The following AATK variants were observed in gnomAD, a reference collection of about 807,000 sequenced individuals.
AATK encodes the protein lemur tail kinase 1.
In AATK, 91 loss-of-function variants were observed where a neutral mutation model predicts 114.3. The observed-to-expected ratio is 0.80, with a 90% CI of 0.67 to 0.95. AATK has a LOEUF of 0.95. AATK is among the 40% of genes least tolerant of loss of function. AATK has a pLI of 0.00. For missense variants in AATK, 2,176 were observed against 1,965.2 expected, an observed-to-expected ratio of 1.11 and a Z score of -2.03; for synonymous variants, 1,075 against 916.5, an observed-to-expected ratio of 1.17 and a Z score of -3.12.
At chr17:81,164,844 C>T (rs1370920388) in intron 1 of AATK, among the ~76,000 whole-genome samples, 1 of 152,206 alleles carries the variant, frequency 6.6e-6, no homozygotes, top group Non-Finnish European at 1.5e-5. Flanking sequence ...GAAGTCATTT[C>T]TGAGCAAGTG....
At chr17:81,160,340 C>T in intron 1 of AATK, 1 of 788,664 alleles carries the variant, frequency 1.3e-6, no homozygotes, top group Non-Finnish European at 1.5e-6. Context: ...GGCCGCAGCC[C>T]CCTGACCCCA....
chr17:81,138,771 G>A (rs1375028947), intron 1 of AATK, among the ~76,000 whole-genome samples: 1 of 138,416 alleles, frequency 7.2e-6, no homozygotes, highest in Non-Finnish European at 1.5e-5. Context: ...ACACCCACAT[G>A]CACGCACACA....
Position 81,120,303 on chromosome 17 carries a change from G to C in AATK, c.3633C>G (p.Leu1211=). The stretch of plus-strand genomic sequence containing the variant: ...TCTCGGACAGCAGGCTGGGCATCTT[G>C]AGCAGGCTGCGCAGGTTGCGCGCGC... ...SQSARNLRSL[L]KMPSLLSETF... is the part of the protein sequence containing the mutation. The change falls in exon 11 of 14, where the codon CTC becomes CTG. Residue 1211 remains leucine (L), a synonymous_variant. Transcript: ENST00000326724. The C allele has an allele frequency of 6.2e-7, 1 of 1,610,030 alleles. No individual in the cohort carries two copies. Among genetic ancestry groups the C allele is most frequent in the Non-Finnish European group, 8.5e-7 (1 of 1,178,644 alleles).
intron 1 of AATK, chr17:81,160,251 G>A (rs922605892): frequency 1.0e-5 from 10 of 984,932 alleles, no homozygotes; most frequent in African/African-American, 7.0e-5. Context: ...TCTGGGTGTC[G>A]CTCCCGCGTG....
rs1164276221 is a variant in AATK at position 81,124,792 on chromosome 17, T to C, written c.897A>G (p.Pro299=). ...TGCTATGCACCTCGTCCACCAGCTC[T>C]GGCGCGATCCAGCGCAGAGGCACCC... ...QLWVPLRWIA[P]ELVDEVHSNL... The change falls in exon 9 of 14, where the codon CCA becomes CCG. Residue 299 remains proline, a synonymous_variant. Coordinates refer to ENST00000326724, the MANE Select transcript of AATK (RefSeq NM_001080395.3). 8 of 1,612,694 alleles carry C rather than the reference T, an allele frequency of 5.0e-6. No homozygotes were observed. The highest frequency in any genetic ancestry group is 6.8e-6 in the Non-Finnish European group (8 of 1,179,792).
chr17:81,131,074 C>T lies in AATK; in HGVS notation c.321G>A (p.Gln107=), dbSNP rs945037159. 1.9e-6 allele frequency: 3 copies of T among 1,553,406 alleles called. No homozygotes were observed. In the African/African-American group the frequency reaches 4.1e-5, roughly 21 times the overall value. ...LTEVSLPMAK[Q]PGRSVQLLKS... ...CCCAGCCCTCACCTGAGCGCCCAGG[C>T]TGCTTGGCCATGGGCAAGGAGACCT... Residue 107 remains glutamine (Q), a synonymous_variant, in exon 3 of 14, where the codon CAG becomes CAA. Transcript: ENST00000326724.
At chr17:81,160,320 C>G in intron 1 of AATK, 1 of 945,388 alleles carries the variant, frequency 1.1e-6, no homozygotes, top group Non-Finnish European at 1.3e-6. Flanking sequence ...CCCGCCCCAG[C>G]CCCACCCAAG....
intron 1 of AATK, among the ~76,000 whole-genome samples, chr17:81,139,573 C>CCACACAA (rs2061092211): frequency 1.3e-5 from 2 of 150,928 alleles, no homozygotes; most frequent in African/African-American, 4.9e-5. Context: ...ACACATGCTG[C>CCACACAA]GCGGCCCCCA....
chr17:81,124,182 G>A (rs1598911009), intron 9 of AATK, among the ~76,000 whole-genome samples: 1 of 151,934 alleles, frequency 6.6e-6, no homozygotes, highest in African/African-American at 2.4e-5. Flanking sequence ...GGCGGTTGGG[G>A]AAGCAGCAGA....
intron 13 of AATK, among the ~76,000 whole-genome samples, chr17:81,119,125 GGGGCCAGGTGAGGGCCAGGTGA>G (rs879769625): frequency 6.7e-6 from 1 of 150,220 alleles, no homozygotes; most frequent in African/African-American, 2.5e-5. Flanking sequence ...GCCGAGTGCA[GGGGCCAGGTGAGGGCCAGGTGA>G]GGGTCAGGTG....
At chr17:81,154,699 G>A (rs1474442103) in intron 1 of AATK, among the ~76,000 whole-genome samples, 20 of 134,978 alleles carry the variant, frequency 1.5e-4, no homozygotes, top group East Asian at 6.6e-4. Context: ...GCACAATCTC[G>A]GCTCACTGCA....
At position 81,166,121 on chromosome 17, in the gene AATK, G is replaced by A. The variant is rs996599185; in HGVS notation, c.-129C>T. The A allele has an allele frequency of 9.6e-6, 4 of 415,270 alleles. No individual in the cohort carries two copies. Among genetic ancestry groups the A allele is most frequent in the Non-Finnish European group, 1.3e-5 (4 of 314,026 alleles). 25.7% of individuals were successfully genotyped at this position (415,270 alleles called of 1,614,324 possible). A position where few individuals can be genotyped will look rare whatever the true frequency, so the allele number is the denominator to read the frequency against. Reference sequence around the variant, plus strand: ...GAGCGCGCCGGCCCCCGCGCCCCGCGCCCCCCGCCGCAGCCGCAGAGCCCG... The same window carrying A: ...GAGCGCGCCGGCCCCCGCGCCCCGCACCCCCCGCCGCAGCCGCAGAGCCCG... On this transcript the variant is annotated 5_prime_UTR_variant, in exon 1 of 14. Transcript: ENST00000326724.
intron 1 of AATK, among the ~76,000 whole-genome samples, chr17:81,143,862 G>GC (rs1361558124): frequency 2.0e-5 from 3 of 152,240 alleles, no homozygotes; most frequent in African/African-American, 7.2e-5. Flanking sequence ...TGGCATGCAT[G>GC]CCCCGTGGGT....
intron 1 of AATK, among the ~76,000 whole-genome samples, chr17:81,158,397 C>A (rs1373999808): frequency 1.3e-5 from 2 of 152,194 alleles, no homozygotes; most frequent in Admixed American, 6.5e-5. Context: ...GTGTGCTGGT[C>A]AGTGTCTGCA....
At chr17:81,155,664 A>T (rs1409888651) in intron 1 of AATK, among the ~76,000 whole-genome samples, 1 of 150,042 alleles carries the variant, frequency 6.7e-6, no homozygotes, top group Non-Finnish European at 1.5e-5. Context: ...GATTGCAGGC[A>T]TGAGCCAGCG....
chr17:81,162,321 G>T (rs1373280333), intron 1 of AATK, among the ~76,000 whole-genome samples: 1 of 152,066 alleles, frequency 6.6e-6, no homozygotes, highest in Non-Finnish European at 1.5e-5. Flanking sequence ...CGAACTCATG[G>T]GCACAGCTTC....
rs72854172 is a variant in AATK, at chr17:81,119,140, C to T, written c.4084+240G>A. ...GCCGAGTGCAGGGGCCAGGTGAGGGCCAGGTGAGGGTCAGGTGAGGGTCAG... is the reference window on the plus strand; with the variant it reads ...GCCGAGTGCAGGGGCCAGGTGAGGGTCAGGTGAGGGTCAGGTGAGGGTCAG... On this transcript the variant is annotated intron_variant, in intron 13 of 13. Transcript: ENST00000326724. Among the ~76,000 whole-genome samples, 1,164 of 130,148 alleles carry T rather than the reference C, an allele frequency of 8.9e-3. 6 individuals carry two copies. The highest frequency in any genetic ancestry group is 0.015 in the Middle Eastern group (4 of 272). 85.4% of individuals were successfully genotyped at this position (130,148 alleles called of 152,430 possible).
At position 81,120,315 on chromosome 17, in the gene AATK, C is replaced by G. The variant is rs1411240035; in HGVS notation, c.3621G>C (p.Leu1207=). ...GGCTGGGCATCTTGAGCAGGCTGCGCAGGTTGCGCGCGCTCTGGCTCTCAG... is the reference window on the plus strand; with the variant it reads ...GGCTGGGCATCTTGAGCAGGCTGCGGAGGTTGCGCGCGCTCTGGCTCTCAG... ...VVAESQSARN[L]RSLLKMPSLL... is the part of the protein sequence containing the mutation. Residue 1207 remains leucine (L), a synonymous_variant, in exon 11 of 14, where the codon CTG becomes CTC. Transcript: ENST00000326724. 6.2e-7 allele frequency: 1 copy of G among 1,610,634 alleles called. No individual in the cohort carries two copies.
Position 81,128,321 on chromosome 17 carries a change from A to C in AATK, c.414+149T>G, listed in dbSNP as rs2060878519. 6.0e-6 allele frequency: 6 copies of C among 1,006,878 alleles called. No individual in the cohort carries two copies. In the South Asian group the frequency reaches 9.2e-5, roughly 15 times the overall value. The allele number at this position is 1,006,878 out of a possible 1,614,324, so 62.4% of individuals were successfully genotyped here. On this transcript the variant is annotated intron_variant, in intron 4 of 13. Transcript: ENST00000326724. ...GAGAAGGGGATGCAGCCAGATGCTG[A>C]GGACCTCCCTGGGGAAGGGTCCAGC... is the stretch of plus-strand genomic sequence containing the variant.
Sources: gnomAD v4.1 joint callset for allele counts (sites outside exome capture counted in the v4.1 genomes callset) on GRCh38, gnomAD v4.1.1 for gene constraint, MANE v1.5 for transcripts, NCBI Gene and HGNC (gene_info 2026-07-23, HGNC 2026-07-21) for gene names.